Variants in SALL4 observed in about 807,000 individuals in gnomAD.
SALL4 encodes the protein spalt like transcription factor 4.
Under a neutral mutation model 60.8 loss-of-function variants are expected in SALL4, and 4 were observed. The ratio of observed to expected loss-of-function variants is 0.07; its 90% CI spans 0.03 to 0.15. SALL4 has a LOEUF of 0.15. Ranked by LOEUF, SALL4 falls within the 10% of genes least tolerant of loss-of-function variation. The pLI is 1.00. For synonymous variants in SALL4, 580 were observed against 574.9 expected, an observed-to-expected ratio of 1.01 and a Z score of -0.13; for missense variants, 1,178 against 1,394.7, an observed-to-expected ratio of 0.84 and a Z score of 2.48.
In SALL4 at chr20:51,788,728, G is replaced by A; in HGVS notation, c.2742+133C>T. 1 of 1,078,076 alleles carries A rather than the reference G, an allele frequency of 9.3e-7. No homozygotes were observed. The highest frequency in any genetic ancestry group is 1.4e-6 in the Non-Finnish European group (1 of 712,556). 66.8% of individuals were successfully genotyped at this position (1,078,076 alleles called of 1,614,324 possible). On this transcript the variant is annotated intron_variant, in intron 3 of 3. Transcript: ENST00000217086. This position sits in a 1 kb window ranked among gnomAD's most constrained non-coding sequence, Gnocchi z 4.1. ...TAAATAAATAAATAAACAAACTCCT[G>A]GACTCAAGCAATCCTCCCACCTCGG...
rs1221459056 is a variant in SALL4, at chr20:51,788,588, G to A, written c.2742+273C>T. ...CGCCTGTAGTCCCAGCTACTCAGGA[G>A]GCTGAGGCAGGAGAATGGCATGAAC... On this transcript the variant is annotated intron_variant, in intron 3 of 3. Transcript: ENST00000217086. This position sits in a 1 kb window ranked among gnomAD's most constrained non-coding sequence, Gnocchi z 4.1. Among the ~76,000 whole-genome samples the A allele has an allele frequency of 6.6e-6, 1 of 152,176 alleles. No individual in the cohort carries two copies. The highest frequency in any genetic ancestry group is 1.5e-5 in the Non-Finnish European group (1 of 68,036).
rs1180577712 is a variant in SALL4 at position 51,791,547 on chromosome 20, G to A, written c.936C>T (p.Pro312=). 2 of 1,613,856 alleles carry A rather than the reference G, an allele frequency of 1.2e-6. No homozygotes were observed. Among genetic ancestry groups the A allele is most frequent in the South Asian group, 1.1e-5 (1 of 91,078 alleles). Reference sequence around the variant, plus strand: ...GGGTCCCATCCGGCTTCAGAGTGAAGGGTGCCAGCCCTGGGGACAGGGAGC... The same window carrying A: ...GGGTCCCATCCGGCTTCAGAGTGAAAGGTGCCAGCCCTGGGGACAGGGAGC... The part of the protein sequence containing the change: ...ATSSLSPGLA[P]FTLKPDGTRV... Residue 312 remains proline, a synonymous_variant, in exon 2 of 4, where the codon CCC becomes CCT. Transcript: ENST00000217086. The surrounding 1 kb of genome is among the most constrained non-coding windows in gnomAD (Gnocchi z 4.6).
At position 51,791,698 on chromosome 20, in the gene SALL4, C is replaced by G; in HGVS notation, c.785G>C (p.Ser262Thr). The G allele has an allele frequency of 6.2e-7, 1 of 1,614,214 alleles. No homozygotes were observed. The highest frequency in any genetic ancestry group is 8.5e-7 in the Non-Finnish European group (1 of 1,180,046). Residue 262 changes from serine to threonine, a missense_variant, in exon 2 of 4, where the codon AGC (serine) becomes ACC (threonine). By Grantham distance (58) the Ser-to-Thr change is moderately conservative. This residue lies in a region of SALL4 where 853 missense variants were observed against 1,036.8 expected (regional missense o/e 0.82). Coordinates refer to ENST00000217086, the MANE Select transcript of SALL4 (RefSeq NM_020436.5). The surrounding 1 kb of genome is among the most constrained non-coding windows in gnomAD (Gnocchi z 4.6). ...TGCAGAAACCTGCTGAGACATGTGG[C>G]TGCCCAAGGTCTTCAGAGTGTCGGC... Reference protein sequence around the residue: ...AGADTLKTLGSHMSQQVSAAV... With the variant: ...AGADTLKTLGTHMSQQVSAAV...
rs1301618379 is a variant in SALL4, at chr20:51,801,845, CTGG to C, written c.130+431_130+433del. Among the ~76,000 whole-genome samples the C allele has an allele frequency of 7.2e-6, 1 of 138,824 alleles. No homozygotes were observed. Among genetic ancestry groups the C allele is most frequent in the Non-Finnish European group, 1.6e-5 (1 of 64,408 alleles). The allele number at this position is 138,824 out of a possible 152,430, so 91.1% of individuals were successfully genotyped here. A position where few individuals can be genotyped will look rare whatever the true frequency, so the allele number is the denominator to read the frequency against. ...AGCCTCCAAGAAAAGCCCCAAGGGGCTGGTGGAGAGGGTGGGGATCCCCCGGGG... is the reference window on the plus strand; with the variant it reads ...AGCCTCCAAGAAAAGCCCCAAGGGGCTGGAGAGGGTGGGGATCCCCCGGGG... On this transcript the variant is annotated intron_variant, in intron 1 of 3. Coordinates refer to ENST00000217086, the MANE Select transcript of SALL4 (RefSeq NM_020436.5). The surrounding 1 kb of genome is among the most constrained non-coding windows in gnomAD (Gnocchi z 5.2).
rs143754390 is a variant in SALL4, at chr20:51,791,895, C to T, written c.588G>A (p.Arg196=). 513 of 1,614,110 alleles carry T rather than the reference C, an allele frequency of 3.2e-4. 1 individual carries two copies. Among genetic ancestry groups the T allele is most frequent in the Non-Finnish European group, 4.2e-4 (497 of 1,180,048 alleles). The change falls in exon 2 of 4, where the codon CGG becomes CGA. Residue 196 remains arginine (R), a synonymous_variant. Coordinates refer to ENST00000217086, the MANE Select transcript of SALL4 (RefSeq NM_020436.5). This position sits in a 1 kb window ranked among gnomAD's most constrained non-coding sequence, Gnocchi z 4.6. ...CGGGGGCAGGGAGTGCATCCGCGCT[C>T]CGCTGATTCACCGCCACCTTGGTGC... ...LRGTKVAVNQ[R]SADALPAPVP...
intron 3 of SALL4, among the ~76,000 whole-genome samples, chr20:51,786,379 C>CCACT: frequency 6.6e-6 from 1 of 152,264 alleles, no homozygotes; most frequent in South Asian, 2.1e-4. Flanking sequence ...CAGGCGTGAG[C>CCACT]CACTGCACCT....
At position 51,802,348 on chromosome 20, in the gene SALL4, G is replaced by T; in HGVS notation, c.61C>A (p.Gln21Lys). 1 of 1,610,812 alleles carries T rather than the reference G, an allele frequency of 6.2e-7. No individual in the cohort carries two copies. The highest frequency in any genetic ancestry group is 8.5e-7 in the Non-Finnish European group (1 of 1,179,768). The stretch of plus-strand genomic sequence containing the variant: ...TCCGGGGTCTGCTGCTGCGGCTGCT[G>T]CTCGCCCTGGTCCTCCTCCGAGTTG... ...HINSEEDQGE[Q>K]QPQQQTPEFA... The change falls in exon 1 of 4, where the codon CAG becomes AAG. Residue 21 changes from glutamine (Q) to lysine (K), a missense_variant. Gln to Lys is a moderately conservative substitution (Grantham distance 53, BLOSUM62 1). Transcript: ENST00000217086.
rs776776548 is a variant in SALL4 at position 51,791,988 on chromosome 20, G to C, written c.495C>G (p.Pro165=). Reference sequence around the variant, plus strand: ...CTTTGGCTAAATAGCTTATGTCCTGGGGGGTGGGTGGCAGGGCTGTCTCTG... The same window carrying C: ...CTTTGGCTAAATAGCTTATGTCCTGCGGGGTGGGTGGCAGGGCTGTCTCTG... ...LKTETALPPT[P]QDISYLAKGK... The change falls in exon 2 of 4, where the codon CCC becomes CCG. Residue 165 remains proline, a synonymous_variant. Coordinates refer to ENST00000217086, the MANE Select transcript of SALL4 (RefSeq NM_020436.5). This position sits in a 1 kb window ranked among gnomAD's most constrained non-coding sequence, Gnocchi z 4.6. The C allele has an allele frequency of 1.9e-6, 3 of 1,614,160 alleles. No homozygotes were observed. The South Asian group carries it at 3.3e-5, about 18-fold the overall frequency.
intron 1 of SALL4, among the ~76,000 whole-genome samples, chr20:51,794,042 C>T (rs67325648): frequency 0.072 from 10,904 of 152,294 alleles, 534 homozygotes; most frequent in Non-Finnish European, 0.11. Context: ...CGCGAGATGA[C>T]AACCTCGTGA....
Position 51,802,486 on chromosome 20 carries a change from C to T in SALL4, c.-78G>A, listed in dbSNP as rs769080005. 27 of 1,601,948 alleles carry T rather than the reference C, an allele frequency of 1.7e-5. No individual in the cohort carries two copies. The highest frequency in any genetic ancestry group is 2.3e-5 in the Non-Finnish European group (27 of 1,174,542). On this transcript the variant is annotated 5_prime_UTR_variant, in exon 1 of 4. Transcript: ENST00000217086. ...CAAATTCCTGGAGTTGGGAAATTTACCCCCCTTCGGCCGGAACGCGCATGT... is the reference window on the plus strand; with the variant it reads ...CAAATTCCTGGAGTTGGGAAATTTATCCCCCTTCGGCCGGAACGCGCATGT...
rs1355736335 is a variant in SALL4, at chr20:51,782,979, C to G, written c.*1286G>C. On this transcript the variant is annotated 3_prime_UTR_variant, in exon 4 of 4. Coordinates refer to ENST00000217086, the MANE Select transcript of SALL4 (RefSeq NM_020436.5). The stretch of plus-strand genomic sequence containing the variant: ...GGACGTGCCTGTTCTAACTTCGTAG[C>G]CTTCATGAAATATTCAGCAAGGAAA... 1 of 152,134 alleles carries G rather than the reference C, an allele frequency of 6.6e-6. No individual in the cohort carries two copies. Among genetic ancestry groups the G allele is most frequent in the Non-Finnish European group, 1.5e-5 (1 of 68,030 alleles). 9.4% of individuals were successfully genotyped at this position (152,134 alleles called of 1,614,324 possible).
At chr20:51,792,561 C>T (rs967196455) in intron 1 of SALL4, among the ~76,000 whole-genome samples, 1 of 151,758 alleles carries the variant, frequency 6.6e-6, no homozygotes, top group Non-Finnish European at 1.5e-5. Flanking sequence ...TGGTGGTGGG[C>T]TCCTGTGGTC....
At position 51,783,992 on chromosome 20, in the gene SALL4, C is replaced by A. The variant is rs1463495074; in HGVS notation, c.*273G>T. ...CCGAGATCATGCCACTGCACTCCAG[C>A]CTGGGTGATAGAGCGAGACTCCATC... On this transcript the variant is annotated 3_prime_UTR_variant, in exon 4 of 4. Transcript: ENST00000217086. The A allele has an allele frequency of 9.4e-6, 4 of 425,922 alleles. No individual in the cohort carries two copies. Among genetic ancestry groups the A allele is most frequent in the African/African-American group, 2.0e-5 (1 of 49,492 alleles). 26.4% of individuals were successfully genotyped at this position (425,922 alleles called of 1,614,324 possible).
rs1174482950 is a variant in SALL4, at chr20:51,800,779, G to A, written c.130+1500C>T. Among the ~76,000 whole-genome samples, 7 of 128,864 alleles carry A rather than the reference G, an allele frequency of 5.4e-5. No individual in the cohort carries two copies. In the East Asian group the frequency reaches 1.8e-3, roughly 34 times the overall value. The allele number at this position is 128,864 out of a possible 152,430, so 84.5% of individuals were successfully genotyped here. A position where few individuals can be genotyped will look rare whatever the true frequency, so the allele number is the denominator to read the frequency against. ...ACAAAGAGAGTCCCTCCAGGCGCCT[G>A]GGACCTCGGGTGCGCGCTGCGCTGA... On this transcript the variant is annotated intron_variant, in intron 1 of 3. Transcript: ENST00000217086.
intron 1 of SALL4, among the ~76,000 whole-genome samples, chr20:51,800,253 C>G (rs575027065): frequency 6.6e-6 from 1 of 152,296 alleles, no homozygotes; most frequent in South Asian, 2.1e-4. Flanking sequence ...CACAACCCGT[C>G]CCACCCACCA....
intron 1 of SALL4, among the ~76,000 whole-genome samples, chr20:51,795,375 C>G (rs190291519): frequency 6.6e-6 from 1 of 152,194 alleles, no homozygotes; most frequent in South Asian, 2.1e-4. Context: ...CCACTGCACT[C>G]CAGCCTGGGC....
chr20:51,790,732 T>C lies in SALL4; in HGVS notation c.1751A>G (p.His584Arg). Residue 584 changes from histidine (H) to arginine (R), a missense_variant, in exon 2 of 4, where the codon CAT becomes CGT. Physicochemically the swap from His to Arg is conservative, Grantham distance 29 (BLOSUM62 0). This residue lies in a region of SALL4 where 853 missense variants were observed against 1,036.8 expected (regional missense o/e 0.82). Coordinates refer to ENST00000217086, the MANE Select transcript of SALL4 (RefSeq NM_020436.5). The surrounding 1 kb of genome is among the most constrained non-coding windows in gnomAD (Gnocchi z 5.5). ...VLSCQSSLKM[H>R]YRTHTGERPF... is the part of the protein sequence containing the mutation. Reference sequence around the variant, plus strand: ...TCTCTCCCCGGTGTGGGTGCGATAATGCATCTTGAGGGAGCTCTGACAGCT... The same window carrying C: ...TCTCTCCCCGGTGTGGGTGCGATAACGCATCTTGAGGGAGCTCTGACAGCT... The C allele has an allele frequency of 6.2e-7, 1 of 1,614,144 alleles. No individual in the cohort carries two copies.
intron 3 of SALL4, among the ~76,000 whole-genome samples, chr20:51,786,117 C>T (rs1230018781): frequency 2.8e-5 from 4 of 140,914 alleles, no homozygotes; most frequent in African/African-American, 5.4e-5. Flanking sequence ...GACAGAGTCT[C>T]GCTCTGTCGC....
chr20:51,795,053 G>A (rs1031065895), intron 1 of SALL4, among the ~76,000 whole-genome samples: 2 of 152,170 alleles, frequency 1.3e-5, no homozygotes, highest in East Asian at 3.8e-4. Context: ...GATGCAGTGC[G>A]ATGCTGCTAC....
Sources: allele counts gnomAD v4.1 joint callset (sites outside exome capture counted in the v4.1 genomes callset), GRCh38; gene constraint gnomAD v4.1.1; regional missense constraint gnomAD v4.1.1; non-coding constraint Gnocchi (gnomAD v3.1); transcripts MANE v1.5; gene names NCBI Gene and HGNC (gene_info 2026-07-23, HGNC 2026-07-21).